NFIA: variants seen among roughly 807,000 people sequenced by gnomAD.
NFIA encodes nuclear factor 1 A-type.
NFIA carries 8 observed loss-of-function variants against 62.8 expected under a neutral mutation model. The ratio of observed to expected loss-of-function variants is 0.13; its 90% confidence interval spans 0.07 to 0.23. The LOEUF is 0.23. NFIA is among the 10% of genes least tolerant of loss of function. NFIA has a pLI of 1.00. For synonymous variants in NFIA, 235 were observed against 238.1 expected (o/e 0.99, Z 0.12); for missense variants, 410 against 642.1 (o/e 0.64, Z 3.91).
At chr1:61,148,935 C>T (rs870557) in intron 2 of NFIA, among the ~76,000 whole-genome samples, 3,049 of 152,214 alleles carry the variant, frequency 0.02, 60 homozygotes, top group East Asian at 0.093. Flanking sequence ...TGCAATGGCA[C>T]GATCCTAGCT....
chr1:61,136,463 C>G (rs776958042), intron 2 of NFIA, among the ~76,000 whole-genome samples: 83 of 152,078 alleles, frequency 5.5e-4, no homozygotes, highest in Non-Finnish European at 1.6e-4. Context: ...GGAAGGCAAT[C>G]AACATTAGGG....
intron 2 of NFIA, among the ~76,000 whole-genome samples, chr1:61,176,743 T>G (rs970746466): frequency 6.6e-6 from 1 of 152,182 alleles, no homozygotes; most frequent in Non-Finnish European, 1.5e-5. Context: ...TTTCTATGCT[T>G]GTATACATTC....
intron 2 of NFIA, among the ~76,000 whole-genome samples, chr1:61,172,444 T>A (rs1447274171): frequency 6.6e-6 from 1 of 152,234 alleles, no homozygotes; most frequent in Non-Finnish European, 1.5e-5. Flanking sequence ...TGTTGATGCA[T>A]AACAGAGTTG....
At chr1:61,193,572 G>A (rs535488566) in intron 2 of NFIA, among the ~76,000 whole-genome samples, 28 of 152,162 alleles carry the variant, frequency 1.8e-4, no homozygotes, top group Non-Finnish European at 3.2e-4. Flanking sequence ...ATTCATTGTA[G>A]GTGCCTTTCA....
chr1:61,201,344 T>A (rs1160522101), intron 2 of NFIA, among the ~76,000 whole-genome samples: 1 of 152,190 alleles, frequency 6.6e-6, no homozygotes, highest in Non-Finnish European at 1.5e-5. Context: ...TGTTTTTTCA[T>A]TGAACTTTAA....
At chr1:61,095,441 T>G (rs1011549126) in intron 2 of NFIA, among the ~76,000 whole-genome samples, 1 of 152,336 alleles carries the variant, frequency 6.6e-6, no homozygotes, top group East Asian at 1.9e-4. Flanking sequence ...TCAAATCTTA[T>G]GCTCTTAAAC....
intron 2 of NFIA, among the ~76,000 whole-genome samples, chr1:61,105,257 G>C (rs994115239): frequency 1.3e-5 from 2 of 151,876 alleles, no homozygotes; most frequent in African/African-American, 4.8e-5. Flanking sequence ...ATTTTCTTAC[G>C]ATAACTCAAA....
chr1:61,290,013 CT>C (rs34503737), intron 3 of NFIA, among the ~76,000 whole-genome samples: 20,540 of 140,672 alleles, frequency 0.15, 1,619 homozygotes, highest in African/African-American at 0.23. Context: ...TTTTAAGTTT[CT>C]TTTTTTTTTT....
At chr1:61,105,999 G>C (rs760436997) in intron 2 of NFIA, among the ~76,000 whole-genome samples, 1 of 151,392 alleles carries the variant, frequency 6.6e-6, no homozygotes, top group Admixed American at 6.6e-5. Flanking sequence ...GTAGAATCTC[G>C]GTTCTGTAAC....
intron 2 of NFIA, among the ~76,000 whole-genome samples, chr1:61,217,960 T>C (rs1653752253): frequency 6.6e-6 from 1 of 152,226 alleles, no homozygotes; most frequent in African/African-American, 2.4e-5. Context: ...AGGTAATGCC[T>C]AAAAGTGTTT....
At chr1:61,424,087 G>A (rs1666757781) in intron 9 of NFIA, among the ~76,000 whole-genome samples, 1 of 151,964 alleles carries the variant, frequency 6.6e-6, no homozygotes, top group South Asian at 2.1e-4. Flanking sequence ...TAGAAGCTCT[G>A]GTAGGCTTTG....
intron 3 of NFIA, among the ~76,000 whole-genome samples, chr1:61,321,073 G>T (rs995451554): frequency 2.0e-5 from 3 of 151,670 alleles, no homozygotes; most frequent in Admixed American, 2.0e-4. Flanking sequence ...ATTCAAAACC[G>T]GGTTAATTAA....
intron 1 of NFIA, among the ~76,000 whole-genome samples, chr1:61,085,147 T>C (rs1646196735): frequency 6.6e-6 from 1 of 152,134 alleles, no homozygotes; most frequent in South Asian, 2.1e-4. Context: ...CAGTGATTTC[T>C]ATCACTATAC....
chr1:61,182,041 G>A (rs181955114), intron 2 of NFIA, among the ~76,000 whole-genome samples: 1 of 152,258 alleles, frequency 6.6e-6, no homozygotes, highest in African/African-American at 2.4e-5. Context: ...TACAGTCTTT[G>A]AAAATACTTG....
chr1:61,306,617 T>A (rs1659817385), intron 3 of NFIA, among the ~76,000 whole-genome samples: 1 of 152,178 alleles, frequency 6.6e-6, no homozygotes, highest in Non-Finnish European at 1.5e-5. Context: ...GTTTCTTGAA[T>A]GCTTTCTCTT....
intron 4 of NFIA, among the ~76,000 whole-genome samples, chr1:61,342,039 G>A (rs1250012965): frequency 6.6e-6 from 1 of 152,100 alleles, no homozygotes; most frequent in Non-Finnish European, 1.5e-5. Context: ...AATGGGGCCG[G>A]TGGAGTCCAC....
At chr1:61,182,163 C>T (rs1650803221) in intron 2 of NFIA, among the ~76,000 whole-genome samples, 1 of 152,168 alleles carries the variant, frequency 6.6e-6, no homozygotes, top group African/African-American at 2.4e-5. Flanking sequence ...ACGGTTCATA[C>T]TGTGACTACA....
intron 4 of NFIA, among the ~76,000 whole-genome samples, chr1:61,333,882 C>G (rs1165670917): frequency 6.6e-6 from 1 of 152,088 alleles, no homozygotes; most frequent in African/African-American, 2.4e-5. Context: ...CGCCTATGGC[C>G]CCAGCTACTC....
intron 6 of NFIA, among the ~76,000 whole-genome samples, chr1:61,380,164 GT>G (rs1273688757): frequency 3.3e-5 from 5 of 152,064 alleles, no homozygotes; most frequent in African/African-American, 9.7e-5. Context: ...CTCTCATTGG[GT>G]TTTTTTATAC....
Sources: gnomAD v4.1 joint callset for allele counts (sites outside exome capture counted in the v4.1 genomes callset) on GRCh38, gnomAD v4.1.1 for gene constraint, MANE v1.5 for transcripts, NCBI Gene and HGNC (gene_info 2026-07-23, HGNC 2026-07-21) for gene names.